The following IKBKB-DT variants were observed in gnomAD, a reference collection of about 807,000 sequenced individuals.
IKBKB-DT encodes the protein IKBKB antisense RNA.
intron 3 of IKBKB-DT, among the ~76,000 whole-genome samples, chr8:42,239,640 T>G (rs187099498): frequency 5.6e-5 from 1 of 17,782 alleles, no homozygotes; most frequent in Non-Finnish European, 1.0e-4. Flanking sequence ...ATATATTTAT[T>G]TATTTATTCA....
intron 3 of IKBKB-DT, among the ~76,000 whole-genome samples, chr8:42,246,926 G>C (rs186304675): frequency 1.3e-5 from 2 of 152,238 alleles, no homozygotes; most frequent in Admixed American, 1.3e-4. Context: ...ATCATAGGGA[G>C]CAGACAACCT....
At chr8:42,236,100 C>T (rs1487111454) in intron 3 of IKBKB-DT, among the ~76,000 whole-genome samples, 1 of 151,604 alleles carries the variant, frequency 6.6e-6, no homozygotes, top group African/African-American at 2.4e-5. Context: ...TGTCATGGAA[C>T]ATTCATATTA....
chr8:42,257,930 C>CT (rs771867322), intron 3 of IKBKB-DT, among the ~76,000 whole-genome samples: 6,710 of 140,630 alleles, frequency 0.048, 444 homozygotes, highest in African/African-American at 0.16. Context: ...ATACAGTTTT[C>CT]TTTTTTTTTT....
chr8:42,261,170 T>TA (rs1455564639), intron 3 of IKBKB-DT, among the ~76,000 whole-genome samples: 1 of 151,914 alleles, frequency 6.6e-6, no homozygotes, highest in Non-Finnish European at 1.5e-5. Flanking sequence ...TACAAAAAAA[T>TA]ACAAATATTA....
At chr8:42,270,111 ACTTTTAGC>A (rs374825176) in intron 1 of IKBKB-DT, among the ~76,000 whole-genome samples, 130 of 152,246 alleles carry the variant, frequency 8.5e-4, no homozygotes, top group African/African-American at 2.7e-3. Flanking sequence ...TTAACATGCT[ACTTTTAGC>A]CACGGATTAA....
exon 1 of IKBKB-DT, chr8:42,271,097 G>T (rs1240206703): frequency 7.0e-6 from 3 of 428,112 alleles, no homozygotes; most frequent in Non-Finnish European, 1.3e-5. Context: ...GGTGTAACGG[G>T]GGTCATTTCA....
chr8:42,238,793 G>A lies in IKBKB-DT; in HGVS notation n.1530-4934C>T, dbSNP rs142501979. Among the ~76,000 whole-genome samples, 223 of 152,202 alleles carry A rather than the reference G, an allele frequency of 1.5e-3. 4 individuals carry two copies. The East Asian group carries it at 0.031, about 21-fold the overall frequency. ...CACCATCCAGAGACTTACTTAGCAC[G>A]AGGGCTCTTTTTCACACCCCTGTGA... On this transcript the variant is annotated intron_variant and non_coding_transcript_variant, in intron 3 of 3. Transcript: ENST00000518213.
chr8:42,271,073 T>C, exon 1 of IKBKB-DT: 1 of 334,762 alleles, frequency 3.0e-6, no homozygotes, highest in Non-Finnish European at 5.6e-6. Flanking sequence ...AAGTAACTTG[T>C]CTAAAGAGAA....
intron 3 of IKBKB-DT, among the ~76,000 whole-genome samples, chr8:42,235,747 G>A (rs1806911528): frequency 6.6e-6 from 1 of 152,142 alleles, no homozygotes; most frequent in Admixed American, 6.6e-5. Context: ...ACGTGGCATG[G>A]CCAGCGTCAT....
chr8:42,270,577 CTAT>C (rs1322595832), intron 1 of IKBKB-DT: 1 of 152,180 alleles, frequency 6.6e-6, no homozygotes, highest in Non-Finnish European at 1.5e-5. Flanking sequence ...TAGATGTGAG[CTAT>C]TATTATCATC....
At chr8:42,263,278 G>A (rs1807315975) in intron 3 of IKBKB-DT, 1 of 152,380 alleles carries the variant, frequency 6.6e-6, no homozygotes, top group Admixed American at 6.5e-5. Context: ...CTCCCAAAGT[G>A]CTGGGATTAC....
At chr8:42,238,024 C>CAAAAAAAA (rs35087510) in intron 3 of IKBKB-DT, among the ~76,000 whole-genome samples, 15 of 35,250 alleles carry the variant, frequency 4.3e-4, no homozygotes, top group African/African-American at 7.6e-4. Flanking sequence ...GGCCCTCTCT[C>CAAAAAAAA]AAAAAAAAAA....
chr8:42,264,448 G>T (rs1199776156), intron 2 of IKBKB-DT, among the ~76,000 whole-genome samples: 1 of 152,146 alleles, frequency 6.6e-6, no homozygotes, highest in African/African-American at 2.4e-5. Context: ...GACCCACTAC[G>T]CCTGGCAAGA....
At chr8:42,257,154 A>T (rs74383185) in intron 3 of IKBKB-DT, among the ~76,000 whole-genome samples, 4,781 of 152,332 alleles carry the variant, frequency 0.031, 104 homozygotes, top group Non-Finnish European at 0.042. Context: ...CTTTTTTAAC[A>T]ATGCTTCCCA....
At chr8:42,252,112 C>A (rs1372508322) in intron 3 of IKBKB-DT, among the ~76,000 whole-genome samples, 1 of 152,206 alleles carries the variant, frequency 6.6e-6, no homozygotes, top group East Asian at 1.9e-4. Context: ...TTTTCTTTGT[C>A]CCCACATATG....
At chr8:42,264,630 C>G (rs1807345272) in intron 2 of IKBKB-DT, among the ~76,000 whole-genome samples, 1 of 150,144 alleles carries the variant, frequency 6.7e-6, no homozygotes. Context: ...ACGATCTCAG[C>G]TCATTGCAGC....
intron 3 of IKBKB-DT, among the ~76,000 whole-genome samples, chr8:42,240,890 G>T (rs1345995356): frequency 2.6e-5 from 4 of 151,880 alleles, no homozygotes; most frequent in African/African-American, 9.7e-5. Context: ...CAGAAGAATC[G>T]CTTGAGCCCT....
At position 42,234,666 on chromosome 8, in the gene IKBKB-DT, G is replaced by A. The variant is rs539067318; in HGVS notation, n.1530-807C>T. 3.7e-4 allele frequency among the ~76,000 whole-genome samples: 56 copies of A among 152,030 alleles called. No homozygotes were observed. The South Asian group carries it at 0.011, about 30-fold the overall frequency. On this transcript the variant is annotated intron_variant and non_coding_transcript_variant, in intron 3 of 3. Transcript: ENST00000518213. The stretch of plus-strand genomic sequence containing the variant: ...ATATTTTGAGATGGAGTCTCACTCT[G>A]TCACCCAGGCTGGAGTGCAGTGGTG...
At chr8:42,249,186 C>G (rs1255938012) in intron 3 of IKBKB-DT, 1 of 151,918 alleles carries the variant, frequency 6.6e-6, no homozygotes, top group African/African-American at 2.4e-5. Flanking sequence ...CTGAGCAATA[C>G]AGGGGACCCC....
Sources: allele counts gnomAD v4.1 joint callset (sites outside exome capture counted in the v4.1 genomes callset), GRCh38; gene constraint gnomAD v4.1.1; transcripts MANE v1.5; gene names NCBI Gene and HGNC (gene_info 2026-07-23, HGNC 2026-07-21).